Variants in AIPL1 observed in about 807,000 individuals in gnomAD.
The protein encoded by AIPL1 is AIP like 1 HSP90 co-chaperone, also known as aryl-hydrocarbon-interacting protein-like 1.
In AIPL1, 23 loss-of-function variants were observed where a neutral mutation model predicts 32.9. That is an observed-to-expected ratio of 0.70 (90% CI 0.50 to 0.99). The LOEUF is 0.99. Ranked by LOEUF, AIPL1 falls within the 50% of genes least tolerant of loss-of-function variation. The pLI is 0.00. For missense variants in AIPL1, 485 were observed against 506.0 expected, an observed-to-expected ratio of 0.96 and a Z score of 0.40; for synonymous variants, 210 against 209.4, an observed-to-expected ratio of 1.00 and a Z score of -0.02.
intron 5 of AIPL1, 71 bp downstream of exon 5, chr17:6,426,544 G>A: frequency 6.4e-7 from 1 of 1,568,054 alleles, no homozygotes; most frequent in Non-Finnish European, 8.6e-7. Context: ...AGTCCAGGAA[G>A]GCTATGGCAG....
At chr17:6,427,104 G>A in intron 3 of AIPL1, 47 bp from the exon 4 acceptor site, 1 of 1,608,794 alleles carries the variant, frequency 6.2e-7, no homozygotes, top group Non-Finnish European at 8.5e-7. Context: ...CCAGGGGCCT[G>A]CACCCCATCA....
Position 6,425,543 on chromosome 17 carries a change from G to A in AIPL1, c.1072C>T (p.Pro358Ser). The change falls in exon 6 of 6, where the codon CCA becomes TCA. Residue 358 changes from proline (P) to serine (S), a missense_variant. Physicochemically the swap from Pro to Ser is moderately conservative, Grantham distance 74. Coordinates refer to ENST00000381129, the MANE Select transcript of AIPL1 (RefSeq NM_014336.5). ...TEPPAEPPTA[P>S]SAELSAGPPA... is the part of the protein sequence containing the mutation. ...GGCCCTGCGGACAGCTCTGCAGATG[G>A]TGCTGTGGGTGGCTCTGCAGGTGGC... 1 of 1,612,906 alleles carries A rather than the reference G, an allele frequency of 6.2e-7. No individual in the cohort carries two copies. Among genetic ancestry groups the A allele is most frequent in the East Asian group, 2.2e-5 (1 of 44,856 alleles).
At chr17:6,432,942 T>G (rs960141545) in intron 2 of AIPL1, among the ~76,000 whole-genome samples, 3 of 152,160 alleles carry the variant, frequency 2.0e-5, no homozygotes, top group African/African-American at 7.2e-5. Flanking sequence ...TATTTACAGA[T>G]GAAATGATAT....
intron 2 of AIPL1, among the ~76,000 whole-genome samples, 179 bp from the exon 3 acceptor site, chr17:6,428,685 A>G (rs757573477): frequency 9.2e-5 from 14 of 152,228 alleles, no homozygotes; most frequent in Non-Finnish European, 2.9e-5. Context: ...GAGCCCCTTC[A>G]ATCCTTATGA....
Position 6,425,723 on chromosome 17 carries a change from G to C in AIPL1, c.892C>G (p.Gln298Glu), listed in dbSNP as rs1434331311. 1 of 1,607,702 alleles carries C rather than the reference G, an allele frequency of 6.2e-7. No individual in the cohort carries two copies. Among genetic ancestry groups the C allele is most frequent in the Admixed American group, 1.7e-5 (1 of 60,028 alleles). Residue 298 changes from glutamine (Q) to glutamate (E), a missense_variant, in exon 6 of 6, where the codon CAG becomes GAG. Transcript: ENST00000381129. ...QKVLELEPSM[Q>E]KAVRRELRLL... is the part of the protein sequence containing the mutation. ...CTCAGCTCCCTGCGCACCGCCTTCT[G>C]CATGGACGGCTCCAGCTCCAGCACT...
Position 6,426,909 on chromosome 17 carries a change from A to G in AIPL1, c.614T>C (p.Ile205Thr). The change falls in exon 4 of 6, where the codon ATC (isoleucine) becomes ACC (threonine). Residue 205 changes from isoleucine (I) to threonine (T), a missense_variant. Coordinates refer to ENST00000381129, the MANE Select transcript of AIPL1 (RefSeq NM_014336.5). ...GGTCTGCAGGTTCCTTAGGCAGATG[A>G]TGGCCTCCTGGTACTTGGAAGAGGC... ...EEASSKYQEA[I>T]ICLRNLQTKE... is the part of the protein sequence containing the mutation. 1 of 1,614,170 alleles carries G rather than the reference A, an allele frequency of 6.2e-7. No homozygotes were observed. The highest frequency in any genetic ancestry group is 2.2e-5 in the East Asian group (1 of 44,878).
rs770159814 is a variant in AIPL1, at chr17:6,425,620, G to T, written c.995C>A (p.Thr332Lys). The change falls in exon 6 of 6, where the codon ACG (threonine) becomes AAG (lysine). Residue 332 changes from threonine to lysine, a missense_variant. Transcript: ENST00000381129. ...RCRNMLSQGA[T>K]QPPAEPPTEP... ...TGTGGGTGGCTCTGCGGGAGGCTGC[G>T]TGGCACCCTGGCTCAGCATGTTCCG... The T allele has an allele frequency of 6.2e-7, 1 of 1,613,028 alleles. No homozygotes were observed. The highest frequency in any genetic ancestry group is 1.7e-4 in the Middle Eastern group (1 of 6,040).
At chr17:6,426,366 A>G in intron 5 of AIPL1, 1 of 1,419,912 alleles carries the variant, frequency 7.0e-7, no homozygotes, top group Non-Finnish European at 9.2e-7. Flanking sequence ...CGTTCCGCTG[A>G]AATCACAAGC....
At chr17:6,433,586 ATCTC>A (rs149646818) in intron 2 of AIPL1, among the ~76,000 whole-genome samples, 39 of 65,650 alleles carry the variant, frequency 5.9e-4, no homozygotes, top group African/African-American at 2.2e-3. Context: ...GCGAGACCCT[ATCTC>A]TCTCTCTCTC....
rs151204387 is a variant in AIPL1, at chr17:6,428,479, G to C, written c.304C>G (p.Arg102Gly). The C allele has an allele frequency of 6.2e-6, 10 of 1,613,964 alleles. No individual in the cohort carries two copies. In the South Asian group the frequency reaches 6.6e-5, roughly 11 times the overall value. ...IHTGVYPILS[R>G]SLRQMAQGKD... is the part of the protein sequence containing the mutation. ...CCCTGGGCCATCTGCCTCAGGCTCC[G>C]GGATAGGATGGGGTAGACCCCCGTG... The change falls in exon 3 of 6, where the codon CGG becomes GGG. Residue 102 changes from arginine (R) to glycine (G), a missense_variant. Physicochemically the swap from Arg to Gly is moderately radical, Grantham distance 125 (BLOSUM62 -2). Transcript: ENST00000381129.
chr17:6,426,764 G>T lies in AIPL1; in HGVS notation c.643-8C>A. On this transcript the variant is annotated splice_polypyrimidine_tract_variant and splice_region_variant and intron_variant, in intron 4 of 5. Coordinates refer to ENST00000381129, the MANE Select transcript of AIPL1 (RefSeq NM_014336.5). ...CACCTCCCATGGCTTCTCCTGCCCA[G>T]GGAGAAGGTCAGCCATGACCTCAGG... 6.2e-7 allele frequency: 1 copy of T among 1,613,314 alleles called. No individual in the cohort carries two copies. Among genetic ancestry groups the T allele is most frequent in the Non-Finnish European group, 8.5e-7 (1 of 1,179,758 alleles).
At chr17:6,425,965 T>G in intron 5 of AIPL1, 135 bp from the exon 6 acceptor site, 2 of 1,251,990 alleles carry the variant, frequency 1.6e-6, no homozygotes, top group Non-Finnish European at 2.2e-6. Flanking sequence ...CCCCCATCCC[T>G]CGGTTTCCTC....
Position 6,424,563 on chromosome 17 carries a change from GT to G in AIPL1, c.*896del, listed in dbSNP as rs1356870010. 2.0e-5 allele frequency: 3 copies of G among 151,054 alleles called. No individual in the cohort carries two copies. Among genetic ancestry groups the G allele is most frequent in the African/African-American group, 7.4e-5 (3 of 40,334 alleles). 9.4% of individuals were successfully genotyped at this position (151,054 alleles called of 1,614,324 possible). ...TCTTTTGTTTTTTGTTGTTGTTTTT[GT>G]TTTGTTTTGTTTTTTGAGATGAAGT... is the stretch of plus-strand genomic sequence containing the variant. On this transcript the variant is annotated 3_prime_UTR_variant, in exon 6 of 6. Coordinates refer to ENST00000381129, the MANE Select transcript of AIPL1 (RefSeq NM_014336.5).
intron 5 of AIPL1, 88 bp from the exon 6 acceptor site, chr17:6,425,918 A>C (rs1007326619): frequency 6.0e-6 from 9 of 1,501,626 alleles, no homozygotes; most frequent in African/African-American, 2.8e-5. Context: ...AGCCTCCAAG[A>C]CCCTCAGCCC....
intron 2 of AIPL1, among the ~76,000 whole-genome samples, chr17:6,431,843 T>C (rs556605025): frequency 1.1e-3 from 166 of 152,298 alleles, no homozygotes; most frequent in African/African-American, 3.8e-3. Context: ...CCAAGTGTGA[T>C]GTACGTCTCC....
At chr17:6,432,114 G>C (rs1304023046) in intron 2 of AIPL1, among the ~76,000 whole-genome samples, 1 of 152,192 alleles carries the variant, frequency 6.6e-6, no homozygotes, top group African/African-American at 2.4e-5. Context: ...GCCGAGCGTG[G>C]TGGCTCAGGC....
intron 2 of AIPL1, among the ~76,000 whole-genome samples, chr17:6,433,689 C>CGG (rs1912855553): frequency 2.0e-5 from 3 of 151,382 alleles, no homozygotes; most frequent in Non-Finnish European, 2.9e-5. Flanking sequence ...CAGCTCACTC[C>CGG]TGCTGGTCAT....
In AIPL1 at chr17:6,425,402, A is replaced by T; in HGVS notation, c.*58T>A. ...GTGACACCACGATCCTGGTCAATCG[A>T]ACCAGAAGTGACCAGGCCACTTGCT... On this transcript the variant is annotated 3_prime_UTR_variant, in exon 6 of 6. Coordinates refer to ENST00000381129, the MANE Select transcript of AIPL1 (RefSeq NM_014336.5). 1 of 1,528,302 alleles carries T rather than the reference A, an allele frequency of 6.5e-7. No homozygotes were observed. The highest frequency in any genetic ancestry group is 8.8e-7 in the Non-Finnish European group (1 of 1,141,760). The allele number at this position is 1,528,302 out of a possible 1,614,324, so 94.7% of individuals were successfully genotyped here.
At chr17:6,430,182 G>A (rs184659890) in intron 2 of AIPL1, among the ~76,000 whole-genome samples, 4 of 152,094 alleles carry the variant, frequency 2.6e-5, no homozygotes, top group Non-Finnish European at 2.9e-5. Context: ...ACCATGGGGA[G>A]CAGTGGCTCA....
Sources: gnomAD v4.1 joint callset for allele counts (sites outside exome capture counted in the v4.1 genomes callset) on GRCh38, gnomAD v4.1.1 for gene constraint, MANE v1.5 for transcripts, NCBI Gene and HGNC (gene_info 2026-07-23, HGNC 2026-07-21) for gene names.